Variants in GNG13 observed in about 807,000 individuals in gnomAD.
GNG13 encodes G protein subunit gamma 13.
GNG13 carries 12 observed loss-of-function variants against 8.2 expected under a neutral mutation model. The observed-to-expected ratio is 1.47, with a 90% CI of 0.94 to 2.38. The LOEUF (loss-of-function observed/expected upper bound fraction) is 2.38, where lower values mean the gene tolerates loss of function less well. Ranked by LOEUF, GNG13 falls within the 30% of genes most tolerant of loss-of-function variation. The probability of loss-of-function intolerance (pLI) is 0.00; values close to 1 mark genes in which losing one functional copy is unlikely to be tolerated. For missense variants in GNG13, 100 were observed against 85.2 expected (o/e 1.17, Z -0.68); for synonymous variants, 45 against 33.0 (o/e 1.37, Z -1.25).
Position 798,191 on chromosome 16 carries a change from G to A in GNG13, c.*528C>T. The stretch of plus-strand genomic sequence containing the variant: ...TCACAGGATGGTGGGAGTGGGGCCA[G>A]GCGTGGTCTCACAGGATAGAGTGAG... On this transcript the variant is annotated 3_prime_UTR_variant, in exon 3 of 3. Transcript: ENST00000248150. 1 of 685,016 alleles carries A rather than the reference G, an allele frequency of 1.5e-6. No homozygotes were observed. Among genetic ancestry groups the A allele is most frequent in the South Asian group, 1.8e-5 (1 of 57,136 alleles). The allele number at this position is 685,016 out of a possible 1,614,324, so 42.4% of individuals were successfully genotyped here.
Position 798,362 on chromosome 16 carries a change from G to T in GNG13, c.*357C>A. ...CTCACAGGATGGAGTGAGTGGGGCC[G>T]GGAGTGGGGCTCACAGGATGGTGGG... On this transcript the variant is annotated 3_prime_UTR_variant, in exon 3 of 3. Coordinates refer to ENST00000248150, the MANE Select transcript of GNG13 (RefSeq NM_016541.3). 1 of 482,618 alleles carries T rather than the reference G, an allele frequency of 2.1e-6. No homozygotes were observed. 29.9% of individuals were successfully genotyped at this position (482,618 alleles called of 1,614,324 possible).
rs2042419831 is a variant in GNG13 at position 798,670 on chromosome 16, G to A, written c.*49C>T. 1 of 1,115,910 alleles carries A rather than the reference G, an allele frequency of 9.0e-7. No individual in the cohort carries two copies. Among genetic ancestry groups the A allele is most frequent in the African/African-American group, 1.5e-5 (1 of 65,470 alleles). The allele number at this position is 1,115,910 out of a possible 1,614,324, so 69.1% of individuals were successfully genotyped here. ...CAGTCTTACAAGATGGTGGGAGTGG[G>A]GCCGGGCGTGGTCTCACAGGATGGT... On this transcript the variant is annotated 3_prime_UTR_variant, in exon 3 of 3. Transcript: ENST00000248150.
chr16:798,965 A>G lies in GNG13; in HGVS notation c.98+15T>C, dbSNP rs1477259832. On this transcript the variant is annotated intron_variant, in intron 2 of 2. Coordinates refer to ENST00000248150, the MANE Select transcript of GNG13 (RefSeq NM_016541.3). ...CAGACAAATGAGAGGCAAATCAGGCAGGTGGGGCACTCACTCGGGGATGGT... is the reference window on the plus strand; with the variant it reads ...CAGACAAATGAGAGGCAAATCAGGCGGGTGGGGCACTCACTCGGGGATGGT... 12 of 1,519,670 alleles carry G rather than the reference A, an allele frequency of 7.9e-6. No individual in the cohort carries two copies. The highest frequency in any genetic ancestry group is 1.1e-5 in the Non-Finnish European group (12 of 1,094,282). 94.1% of individuals were successfully genotyped at this position (1,519,670 alleles called of 1,614,324 possible).
intron 1 of GNG13, among the ~76,000 whole-genome samples, chr16:799,682 G>A (rs1388554221): frequency 6.6e-6 from 1 of 152,124 alleles, no homozygotes; most frequent in Non-Finnish European, 1.5e-5. Flanking sequence ...TATGGGCTGT[G>A]GGTGGCCCCT....
chr16:799,048 C>T lies in GNG13; in HGVS notation c.30G>A (p.Lys10=). MEEWDVPQM[K]KEVESLKYQL... ...GGTACTTGAGGCTCTCCACCTCTTT[C>T]TTCATCTGTGGCACGTCCCACTCCT... The change falls in exon 2 of 3, where the codon AAG becomes AAA. Residue 10 remains lysine, a synonymous_variant. Coordinates refer to ENST00000248150, the MANE Select transcript of GNG13 (RefSeq NM_016541.3). 3 of 1,610,550 alleles carry T rather than the reference C, an allele frequency of 1.9e-6. No homozygotes were observed. Among genetic ancestry groups the T allele is most frequent in the South Asian group, 1.1e-5 (1 of 91,032 alleles).
chr16:798,275 ATGT>A lies in GNG13; in HGVS notation c.*441_*443del, dbSNP rs940617430. On this transcript the variant is annotated 3_prime_UTR_variant, in exon 3 of 3. Coordinates refer to ENST00000248150, the MANE Select transcript of GNG13 (RefSeq NM_016541.3). The stretch of plus-strand genomic sequence containing the variant: ...ATGGGGCCGGGCACAGTCTTACAAG[ATGT>A]TGTGAGTGGGGCCGGGAGTGGGGCT... 5.8e-5 allele frequency: 26 copies of A among 449,950 alleles called. No homozygotes were observed. The highest frequency in any genetic ancestry group is 8.0e-5 in the Non-Finnish European group (20 of 250,708). 27.9% of individuals were successfully genotyped at this position (449,950 alleles called of 1,614,324 possible). A position where few individuals can be genotyped will look rare whatever the true frequency, so the allele number is the denominator to read the frequency against.
At chr16:800,496 A>C (rs116621914) in intron 1 of GNG13, among the ~76,000 whole-genome samples, 170 bp downstream of exon 1, 4,247 of 152,256 alleles carry the variant, frequency 0.028, 167 homozygotes, top group South Asian at 0.15. Flanking sequence ...CCGCACCGCG[A>C]GAGCCGCCTC....
chr16:798,670 G>T lies in GNG13; in HGVS notation c.*49C>A, dbSNP rs2042419831. The T allele has an allele frequency of 7.2e-6, 8 of 1,115,910 alleles. No homozygotes were observed. In the East Asian group the frequency reaches 1.9e-4, roughly 26 times the overall value. 69.1% of individuals were successfully genotyped at this position (1,115,910 alleles called of 1,614,324 possible). A position where few individuals can be genotyped will look rare whatever the true frequency, so the allele number is the denominator to read the frequency against. On this transcript the variant is annotated 3_prime_UTR_variant, in exon 3 of 3. Coordinates refer to ENST00000248150, the MANE Select transcript of GNG13 (RefSeq NM_016541.3). ...CAGTCTTACAAGATGGTGGGAGTGG[G>T]GCCGGGCGTGGTCTCACAGGATGGT...
chr16:800,241 G>A lies in GNG13; in HGVS notation c.-35+425C>T, dbSNP rs1282575694. ...AGCACCCCTACCCGCCCCCATCCCC[G>A]GTGCAGGCCTTTTCTCGGAGACCCT... On this transcript the variant is annotated intron_variant, in intron 1 of 2. Transcript: ENST00000248150. 3.9e-5 allele frequency among the ~76,000 whole-genome samples: 6 copies of A among 152,078 alleles called. No homozygotes were observed. The East Asian group carries it at 1.2e-3, about 29-fold the overall frequency.
At chr16:799,912 G>A (rs1024913325) in intron 1 of GNG13, among the ~76,000 whole-genome samples, 1 of 149,178 alleles carries the variant, frequency 6.7e-6, no homozygotes, top group Non-Finnish European at 1.5e-5. Context: ...GGGAGACAGG[G>A]CTGAACCTTG....
intron 2 of GNG13, 24 bp from the exon 3 acceptor site, chr16:798,848 G>A (rs879527297): frequency 6.5e-7 from 1 of 1,528,676 alleles, no homozygotes; most frequent in Non-Finnish European, 9.0e-7. Flanking sequence ...GGTGGCAGGT[G>A]AGTGGTGGCA....
At chr16:799,405 G>A (rs1342542001) in intron 1 of GNG13, among the ~76,000 whole-genome samples, 1 of 152,222 alleles carries the variant, frequency 6.6e-6, no homozygotes, top group African/African-American at 2.4e-5. Flanking sequence ...GCAGGAGAAA[G>A]GGTGCTCAGC....
intron 2 of GNG13, 44 bp from the exon 3 acceptor site, chr16:798,868 C>G (rs369602794): frequency 7.1e-7 from 1 of 1,414,256 alleles, no homozygotes. Flanking sequence ...ACCTGACCCC[C>G]GAGGGCCTCC....
chr16:798,702 G>C lies in GNG13; in HGVS notation c.*17C>G. The C allele has an allele frequency of 6.7e-7, 1 of 1,490,600 alleles. No homozygotes were observed. Among genetic ancestry groups the C allele is most frequent in the South Asian group, 1.1e-5 (1 of 88,446 alleles). 92.3% of individuals were successfully genotyped at this position (1,490,600 alleles called of 1,614,324 possible). On this transcript the variant is annotated 3_prime_UTR_variant, in exon 3 of 3. Transcript: ENST00000248150. ...CGTGGTCTCACAGGATGGTGTGAGA[G>C]GGGCCGGGTGCGGGGCTCACAGGAT...
chr16:800,637 A>G lies in GNG13; in HGVS notation c.-35+29T>C, dbSNP rs2042437652. On this transcript the variant is annotated intron_variant, in intron 1 of 2. Coordinates refer to ENST00000248150, the MANE Select transcript of GNG13 (RefSeq NM_016541.3). ...GTCGAGGGGCCTCCGGGCCCTCCCT[A>G]GCCCCGGGCGCCTGTTCATCGGACC... 3 of 152,054 alleles carry G rather than the reference A, an allele frequency of 2.0e-5. No homozygotes were observed. In the South Asian group the frequency reaches 6.2e-4, roughly 31 times the overall value. The allele number at this position is 152,054 out of a possible 1,614,324, so 9.4% of individuals were successfully genotyped here.
At chr16:800,487 C>A (rs889443327) in intron 1 of GNG13, among the ~76,000 whole-genome samples, 179 bp downstream of exon 1, 1 of 152,218 alleles carries the variant, frequency 6.6e-6, no homozygotes, top group African/African-American at 2.4e-5. Flanking sequence ...ACAGCTCCCC[C>A]GCACCGCGAG....
In GNG13 at chr16:798,075, T is replaced by C. The variant is rs559237618; in HGVS notation, c.*644A>G. 40 of 1,465,154 alleles carry C rather than the reference T, an allele frequency of 2.7e-5. No homozygotes were observed. In the African/African-American group the frequency reaches 5.3e-4, roughly 19 times the overall value. 90.8% of individuals were successfully genotyped at this position (1,465,154 alleles called of 1,614,324 possible). On this transcript the variant is annotated 3_prime_UTR_variant, in exon 3 of 3. Transcript: ENST00000248150. ...AAAGTCACACCTTTACAGACTGTAA[T>C]CACGTGCGAGTGGAGTGGGGTTCAC...
In GNG13 at chr16:798,043, T is replaced by A; in HGVS notation, c.*676A>T. ...GTGCAGAGACAGGAAGCTGGAGATG[T>A]CTTTATAAAGTCACACCTTTACAGA... On this transcript the variant is annotated 3_prime_UTR_variant, in exon 3 of 3. Coordinates refer to ENST00000248150, the MANE Select transcript of GNG13 (RefSeq NM_016541.3). 3 of 1,547,330 alleles carry A rather than the reference T, an allele frequency of 1.9e-6. No individual in the cohort carries two copies. Among genetic ancestry groups the A allele is most frequent in the Non-Finnish European group, 2.6e-6 (3 of 1,145,872 alleles).
chr16:800,662 C>T lies in GNG13; in HGVS notation c.-35+4G>A, dbSNP rs1898207038. On this transcript the variant is annotated splice_donor_region_variant and intron_variant, in intron 1 of 2. Coordinates refer to ENST00000248150, the MANE Select transcript of GNG13 (RefSeq NM_016541.3). ...AGCCCCGGGCGCCTGTTCATCGGAC[C>T]TACCTTGAAAAGGTGACAGCGGAGG... 1 of 152,248 alleles carries T rather than the reference C, an allele frequency of 6.6e-6. No individual in the cohort carries two copies. The highest frequency in any genetic ancestry group is 2.1e-4 in the South Asian group (1 of 4,834). 9.4% of individuals were successfully genotyped at this position (152,248 alleles called of 1,614,324 possible).
Sources: gnomAD v4.1 joint callset for allele counts (sites outside exome capture counted in the v4.1 genomes callset) on GRCh38, gnomAD v4.1.1 for gene constraint, MANE v1.5 for transcripts, NCBI Gene and HGNC (gene_info 2026-07-23, HGNC 2026-07-21) for gene names.